The following DGKB variants were observed in gnomAD, a reference collection of about 807,000 sequenced individuals.
The protein encoded by DGKB is 90 kDa diacylglycerol kinase.
Under a neutral mutation model 114.3 loss-of-function variants are expected in DGKB, and 67 were observed. The observed-to-expected ratio is 0.59, with a 90% CI of 0.48 to 0.72. DGKB has a LOEUF of 0.72. Among genes scored for constraint, DGKB ranks in the 30% least tolerant of loss-of-function variants. The probability of loss-of-function intolerance (pLI) is 0.00; values close to 1 mark genes in which losing one functional copy is unlikely to be tolerated. For missense variants in DGKB, 907 were observed against 975.2 expected (o/e 0.93, Z 0.93); for synonymous variants, 398 against 323.1 (o/e 1.23, Z -2.49).
intron 13 of DGKB, among the ~76,000 whole-genome samples, chr7:14,653,413 C>G (rs185024291): frequency 3.3e-5 from 5 of 152,054 alleles, no homozygotes; most frequent in East Asian, 1.9e-4. Flanking sequence ...GAACAAAAAA[C>G]CAAACACCGC....
chr7:14,200,312 C>A (rs941601412), intron 23 of DGKB, among the ~76,000 whole-genome samples: 1 of 151,940 alleles, frequency 6.6e-6, no homozygotes, highest in Non-Finnish European at 1.5e-5. Flanking sequence ...GAGTGCAAGA[C>A]CTAGCAGTTA....
chr7:14,309,897 C>T (rs947909287), intron 23 of DGKB, among the ~76,000 whole-genome samples: 1 of 152,098 alleles, frequency 6.6e-6, no homozygotes, highest in Non-Finnish European at 1.5e-5. Context: ...GGGGCTCTGA[C>T]AAAGGGTGAA....
intron 13 of DGKB, among the ~76,000 whole-genome samples, chr7:14,659,997 G>C (rs1446772146): frequency 1.3e-5 from 2 of 151,172 alleles, no homozygotes; most frequent in African/African-American, 2.4e-5. Flanking sequence ...TAATCATGTG[G>C]TTTTTGTCTT....
chr7:14,447,580 A>G (rs1367144461), intron 21 of DGKB, among the ~76,000 whole-genome samples: 2 of 152,126 alleles, frequency 1.3e-5, no homozygotes, highest in Non-Finnish European at 2.9e-5. Flanking sequence ...AATTTAAAGC[A>G]TGGTATATTC....
chr7:14,804,432 T>C (rs1842556248), intron 2 of DGKB, among the ~76,000 whole-genome samples: 1 of 152,096 alleles, frequency 6.6e-6, no homozygotes, highest in African/African-American at 2.4e-5. Flanking sequence ...CAAACATAAA[T>C]ACCTATGTAC....
intron 14 of DGKB, among the ~76,000 whole-genome samples, chr7:14,627,568 ATGTG>A (rs1247369174): frequency 1.4e-5 from 2 of 144,140 alleles, no homozygotes; most frequent in East Asian, 4.5e-4. Context: ...TTATAAAATA[ATGTG>A]TGTATGTCTG....
intron 4 of DGKB, among the ~76,000 whole-genome samples, chr7:14,740,263 G>C (rs1832388243): frequency 6.7e-6 from 1 of 148,688 alleles, no homozygotes; most frequent in African/African-American, 2.5e-5. Flanking sequence ...TCTCCACAAG[G>C]TCAGGAGTTG....
intron 23 of DGKB, among the ~76,000 whole-genome samples, chr7:14,196,568 AAT>A (rs1356374704): frequency 6.6e-6 from 1 of 152,174 alleles, no homozygotes; most frequent in African/African-American, 2.4e-5. Flanking sequence ...TGTTGACATA[AAT>A]AGTTTTATTT....
intron 19 of DGKB, among the ~76,000 whole-genome samples, chr7:14,580,537 A>G (rs1024179246): frequency 6.6e-6 from 1 of 152,196 alleles, no homozygotes; most frequent in Non-Finnish European, 1.5e-5. Flanking sequence ...AATGAAAAGT[A>G]TAAAAATTAC....
At chr7:14,861,316 C>T (rs140825360) in intron 1 of DGKB, among the ~76,000 whole-genome samples, 110 of 142,272 alleles carry the variant, frequency 7.7e-4, no homozygotes, top group African/African-American at 2.2e-3. Context: ...AGTATAAAAA[C>T]GTATTAAAAT....
chr7:14,660,651 GC>G (rs1336677871), intron 13 of DGKB, among the ~76,000 whole-genome samples: 1 of 151,402 alleles, frequency 6.6e-6, no homozygotes, highest in Admixed American at 6.6e-5. Flanking sequence ...CAATTTTGAT[GC>G]CATCCCCATC....
chr7:14,327,376 A>G (rs1808928984), intron 23 of DGKB, among the ~76,000 whole-genome samples: 1 of 152,176 alleles, frequency 6.6e-6, no homozygotes, highest in African/African-American at 2.4e-5. Flanking sequence ...AGAATTTATT[A>G]AAAACCTTTG....
Position 14,316,047 on chromosome 7 carries a change from G to A in DGKB, c.2122+22468C>T, listed in dbSNP as rs557829696. Among the ~76,000 whole-genome samples the A allele has an allele frequency of 8.7e-3, 1,311 of 150,392 alleles. 36 individuals are homozygous for A. Among genetic ancestry groups the A allele is most frequent in the African/African-American group, 0.031 (1,242 of 39,950 alleles). On this transcript the variant is annotated intron_variant, in intron 23 of 25. Transcript: ENST00000402815. ...CCTGAATGACTGTTGGGTACATAACGAAATGAAGGCAGAAATAAAGATGTT... is the reference window on the plus strand; with the variant it reads ...CCTGAATGACTGTTGGGTACATAACAAAATGAAGGCAGAAATAAAGATGTT...
chr7:14,892,819 G>A (rs1396633583), intron 1 of DGKB, among the ~76,000 whole-genome samples: 2 of 150,388 alleles, frequency 1.3e-5, no homozygotes, highest in Admixed American at 6.7e-5. Context: ...TTTCTTTATA[G>A]GCAGTGTACA....
chr7:14,288,030 G>T (rs12699600), intron 23 of DGKB, among the ~76,000 whole-genome samples: 62,808 of 151,736 alleles, frequency 0.41, 14,552 homozygotes, highest in South Asian at 0.58. Flanking sequence ...ATAGTGCAAG[G>T]TTTCTCTGCA....
intron 23 of DGKB, among the ~76,000 whole-genome samples, chr7:14,327,382 C>A (rs1014002361): frequency 6.6e-6 from 1 of 151,748 alleles, no homozygotes; most frequent in Non-Finnish European, 1.5e-5. Flanking sequence ...TATTAAAAAC[C>A]TTTGGAAGAA....
At chr7:14,832,116 C>T (rs555260700) in intron 2 of DGKB, among the ~76,000 whole-genome samples, 5 of 152,050 alleles carry the variant, frequency 3.3e-5, no homozygotes, top group South Asian at 2.1e-4. Flanking sequence ...GGTCTTATAA[C>T]GACCTTTGAA....
chr7:14,726,355 G>A (rs1008985591), intron 5 of DGKB, among the ~76,000 whole-genome samples: 8 of 151,932 alleles, frequency 5.3e-5, no homozygotes, highest in African/African-American at 1.9e-4. Flanking sequence ...GGCCAGGCTG[G>A]TTTCTAACTC....
chr7:14,933,731 C>T (rs1421126149), intron 1 of DGKB, among the ~76,000 whole-genome samples: 1 of 152,076 alleles, frequency 6.6e-6, no homozygotes, highest in East Asian at 1.9e-4. Context: ...GTTTAACAAG[C>T]TTCTACAGAA....
Sources: gnomAD v4.1 joint callset for allele counts (sites outside exome capture counted in the v4.1 genomes callset) on GRCh38, gnomAD v4.1.1 for gene constraint, MANE v1.5 for transcripts, NCBI Gene and HGNC (gene_info 2026-07-23, HGNC 2026-07-21) for gene names.